FYB2: variants seen among roughly 807,000 people sequenced by gnomAD.
FYB2 encodes FYN-binding protein 2.
In FYB2, 103 loss-of-function variants were observed where a neutral mutation model predicts 94.1. The ratio of observed to expected loss-of-function variants is 1.09; its 90% confidence interval spans 0.93 to 1.29. FYB2 has a LOEUF of 1.29. Ranked by LOEUF, FYB2 falls within the 50% of genes most tolerant of loss-of-function variation. The pLI, the probability that FYB2 is intolerant of heterozygous loss-of-function variation, is 0.00. For synonymous variants in FYB2, 293 were observed against 287.9 expected, an observed-to-expected ratio of 1.02 and a Z score of -0.18; for missense variants, 896 against 841.5, an observed-to-expected ratio of 1.06 and a Z score of -0.80.
intron 4 of FYB2, among the ~76,000 whole-genome samples, chr1:56,776,901 G>A (rs1645889915): frequency 6.6e-6 from 1 of 151,804 alleles, no homozygotes; most frequent in African/African-American, 2.4e-5. Context: ...CAACATCCCT[G>A]GGGGAAGGAT....
chr1:56,814,142 GAAGAA>G (rs1260218744), intron 1 of FYB2, among the ~76,000 whole-genome samples: 1 of 152,210 alleles, frequency 6.6e-6, no homozygotes, highest in Non-Finnish European at 1.5e-5. Context: ...TCAGCACTCT[GAAGAA>G]GAGAATGTGC....
intron 4 of FYB2, among the ~76,000 whole-genome samples, chr1:56,783,336 C>A (rs1646051980): frequency 6.6e-6 from 1 of 152,108 alleles, no homozygotes; most frequent in South Asian, 2.1e-4. Flanking sequence ...ACTTTAGAAC[C>A]TGCACTTGTT....
chr1:56,782,570 C>G (rs1403122467), intron 4 of FYB2, among the ~76,000 whole-genome samples: 1 of 151,844 alleles, frequency 6.6e-6, no homozygotes, highest in African/African-American at 2.4e-5. Flanking sequence ...AACACAAATA[C>G]AAATATGTGT....
intron 1 of FYB2, among the ~76,000 whole-genome samples, chr1:56,812,564 A>G (rs1304124593): frequency 6.6e-6 from 1 of 152,182 alleles, no homozygotes; most frequent in Admixed American, 6.5e-5. Flanking sequence ...TCTGTATTTA[A>G]TAGGTCCTAA....
chr1:56,744,298 C>G, intron 9 of FYB2, 32 bp from the exon 10 acceptor site: 1 of 1,493,254 alleles, frequency 6.7e-7, no homozygotes, highest in South Asian at 1.1e-5. Context: ...TGAAAAACAT[C>G]ACATCAGCTG....
At chr1:56,783,773 A>G (rs545165167) in intron 4 of FYB2, among the ~76,000 whole-genome samples, 1 of 152,278 alleles carries the variant, frequency 6.6e-6, no homozygotes, top group Admixed American at 6.5e-5. Context: ...TGTTTGGCCC[A>G]TAGTGGATGC....
intron 2 of FYB2, 128 bp downstream of exon 2, chr1:56,791,928 T>C (rs571113170): frequency 3.8e-6 from 5 of 1,305,990 alleles, no homozygotes; most frequent in African/African-American, 1.5e-5. Context: ...GCCTAGAATA[T>C]CACGTGGAGA....
intron 1 of FYB2, among the ~76,000 whole-genome samples, chr1:56,809,414 T>C (rs1225344438): frequency 2.0e-5 from 3 of 152,178 alleles, no homozygotes; most frequent in African/African-American, 7.2e-5. Flanking sequence ...TTCACTAGAT[T>C]TGCTCTTCCT....
chr1:56,727,506 C>T (rs369313920), intron 15 of FYB2, among the ~76,000 whole-genome samples: 1 of 151,856 alleles, frequency 6.6e-6, no homozygotes, highest in South Asian at 2.1e-4. Flanking sequence ...TACTATAGAA[C>T]ATTAAAATGA....
At chr1:56,750,894 C>T in intron 9 of FYB2, 150 bp downstream of exon 9, 1 of 814,782 alleles carries the variant, frequency 1.2e-6, no homozygotes, top group Admixed American at 2.9e-5. Context: ...GTGTTTTTTT[C>T]CACTACTGCA....
intron 4 of FYB2, among the ~76,000 whole-genome samples, chr1:56,772,563 CTTCT>C (rs1645783477): frequency 6.6e-6 from 1 of 152,150 alleles, no homozygotes; most frequent in Non-Finnish European, 1.5e-5. Context: ...TATGCTTCAA[CTTCT>C]TTATTTCCAC....
chr1:56,742,218 T>G lies in FYB2; in HGVS notation c.1547A>C (p.Glu516Ala). 1 of 1,590,774 alleles carries G rather than the reference T, an allele frequency of 6.3e-7. No homozygotes were observed. The highest frequency in any genetic ancestry group is 8.6e-7 in the Non-Finnish European group (1 of 1,161,628). ...YSSSLASSSE[E>A]NRELYEDVYK... ...GACATCTTCATACAGTTCTCTATTTTCTTCTGAAATTAGAAGAAAACCCTA... is the reference window on the plus strand; with the variant it reads ...GACATCTTCATACAGTTCTCTATTTGCTTCTGAAATTAGAAGAAAACCCTA... The change falls in exon 12 of 20, where the codon GAA becomes GCA. Residue 516 changes from glutamate (E) to alanine (A), a missense_variant. Transcript: ENST00000343433.
intron 16 of FYB2, among the ~76,000 whole-genome samples, chr1:56,725,467 G>A (rs1303478115): frequency 6.6e-6 from 1 of 151,842 alleles, no homozygotes; most frequent in Non-Finnish European, 1.5e-5. Context: ...AAATAAAAAG[G>A]CACTGGAAAA....
chr1:56,791,396 C>T (rs556300012), intron 2 of FYB2, among the ~76,000 whole-genome samples: 37 of 152,082 alleles, frequency 2.4e-4, no homozygotes, highest in African/African-American at 8.7e-4. Flanking sequence ...GCTGGGATTA[C>T]AGGCACAGGC....
intron 4 of FYB2, among the ~76,000 whole-genome samples, chr1:56,786,586 T>C (rs1396780123): frequency 6.6e-6 from 1 of 152,218 alleles, no homozygotes; most frequent in Non-Finnish European, 1.5e-5. Context: ...GTTGGAATCA[T>C]GGCTCAGCAA....
chr1:56,746,771 T>C (rs1357421515), intron 9 of FYB2, among the ~76,000 whole-genome samples: 3 of 152,018 alleles, frequency 2.0e-5, no homozygotes, highest in Non-Finnish European at 4.4e-5. Flanking sequence ...TGTATGTGTG[T>C]TTTGGTGCAT....
chr1:56,814,424 G>A (rs1042329554), intron 1 of FYB2, among the ~76,000 whole-genome samples: 2 of 152,188 alleles, frequency 1.3e-5, no homozygotes, highest in Non-Finnish European at 2.9e-5. Flanking sequence ...GACTCAATGG[G>A]AAAGTAATGC....
At chr1:56,777,401 T>C (rs1433302693) in intron 4 of FYB2, among the ~76,000 whole-genome samples, 1 of 152,148 alleles carries the variant, frequency 6.6e-6, no homozygotes, top group Non-Finnish European at 1.5e-5. Context: ...TGTAACATAC[T>C]CCCTGGATCT....
chr1:56,756,551 A>G (rs928766159), intron 6 of FYB2, among the ~76,000 whole-genome samples: 2 of 152,146 alleles, frequency 1.3e-5, no homozygotes, highest in African/African-American at 4.8e-5. Context: ...ATCATAGCTC[A>G]TTATACTCTC....
Sources: allele counts gnomAD v4.1 joint callset (sites outside exome capture counted in the v4.1 genomes callset), GRCh38; gene constraint gnomAD v4.1.1; transcripts MANE v1.5; gene names NCBI Gene and HGNC (gene_info 2026-07-23, HGNC 2026-07-21).